Variants in RPS6KA5 observed in about 807,000 individuals in gnomAD.
The protein encoded by RPS6KA5 is ribosomal protein S6 kinase A5.
Under a neutral mutation model 85.5 loss-of-function variants are expected in RPS6KA5, and 27 were observed. The ratio of observed to expected loss-of-function variants is 0.32; its 90% CI spans 0.23 to 0.44. The LOEUF (loss-of-function observed/expected upper bound fraction) is 0.44. RPS6KA5 is among the 20% of genes least tolerant of loss of function. RPS6KA5 has a pLI of 1.00. For missense variants in RPS6KA5, 811 were observed against 980.9 expected (o/e 0.83, Z 2.31); for synonymous variants, 334 against 348.2 (o/e 0.96, Z 0.46).
At chr14:91,016,799 C>A (rs1413134489) in intron 1 of RPS6KA5, among the ~76,000 whole-genome samples, 2 of 141,814 alleles carry the variant, frequency 1.4e-5, no homozygotes, top group East Asian at 2.1e-4. Context: ...TTAGAAGGAA[C>A]ATGATTGGAA....
rs2032619873 is a variant in RPS6KA5 at position 90,862,686 on chromosome 14, A to C, written c.*9388T>G. The C allele has an allele frequency of 6.6e-6, 1 of 151,844 alleles. No homozygotes were observed. The highest frequency in any genetic ancestry group is 2.4e-5 in the African/African-American group (1 of 41,278). The allele number at this position is 151,844 out of a possible 1,614,324, so 9.4% of individuals were successfully genotyped here. ...TCTATGTTGCCCAGGCTGGTCTCCA[A>C]CTCCTGGGCTAAAGCAATCCTTCCT... On this transcript the variant is annotated 3_prime_UTR_variant, in exon 17 of 17. Coordinates refer to ENST00000614987, the MANE Select transcript of RPS6KA5 (RefSeq NM_004755.4).
intron 1 of RPS6KA5, among the ~76,000 whole-genome samples, chr14:91,046,357 GCCC>G (rs1411522614): frequency 6.6e-6 from 1 of 152,070 alleles, no homozygotes; most frequent in East Asian, 1.9e-4. Context: ...TTTGCATATG[GCCC>G]CATTATGTTT....
chr14:91,019,344 T>C (rs113062032), intron 1 of RPS6KA5, among the ~76,000 whole-genome samples: 2,251 of 152,222 alleles, frequency 0.015, 52 homozygotes, highest in African/African-American at 0.052. Context: ...GTGAGTGTCA[T>C]CCAATCAGTT....
Position 90,855,009 on chromosome 14 carries a change from C to A in RPS6KA5, c.*17065G>T, listed in dbSNP as rs924632638. On this transcript the variant is annotated 3_prime_UTR_variant, in exon 17 of 17. Transcript: ENST00000614987. The stretch of plus-strand genomic sequence containing the variant: ...TATTTTGAAGTTTTAAAAGTCTAAT[C>A]GATTTTTTTCAATACATTTCATCTC... 2.0e-5 allele frequency: 3 copies of A among 152,064 alleles called. No homozygotes were observed. Among genetic ancestry groups the A allele is most frequent in the African/African-American group, 2.4e-5 (1 of 41,422 alleles). The allele number at this position is 152,064 out of a possible 1,614,324, so 9.4% of individuals were successfully genotyped here.
chr14:91,007,931 A>ACTATTGT (rs1468139307), intron 1 of RPS6KA5, among the ~76,000 whole-genome samples: 45 of 152,320 alleles, frequency 3.0e-4, no homozygotes, highest in African/African-American at 1.0e-3. Flanking sequence ...CTCAAAGGTA[A>ACTATTGT]CTATTGTTAA....
At chr14:91,023,009 G>A (rs1374002303) in intron 1 of RPS6KA5, among the ~76,000 whole-genome samples, 2 of 150,054 alleles carry the variant, frequency 1.3e-5, no homozygotes, top group South Asian at 2.1e-4. Context: ...CACTTGAACC[G>A]AGGAGGCGGA....
At chr14:91,035,847 C>CAAAAAAAAAAAAAAAAAAAAAAAAA (rs199625173) in intron 1 of RPS6KA5, among the ~76,000 whole-genome samples, 2 of 69,908 alleles carry the variant, frequency 2.9e-5, no homozygotes, top group Admixed American at 1.8e-4. Context: ...CCCTCACCTT[C>CAAAAAAAAAAAAAAAAAAAAAAAAA]AAAAAAAAAA....
chr14:90,876,050 T>TA (rs60142741), intron 14 of RPS6KA5, among the ~76,000 whole-genome samples: 2,895 of 146,714 alleles, frequency 0.02, 78 homozygotes, highest in African/African-American at 0.067. Flanking sequence ...CTTAAAGTAT[T>TA]AAAAAAAAAA....
chr14:90,885,645 G>C (rs2034155818), intron 14 of RPS6KA5, among the ~76,000 whole-genome samples: 1 of 139,474 alleles, frequency 7.2e-6, no homozygotes, highest in Non-Finnish European at 1.5e-5. Context: ...GGGAGACTGA[G>C]GCAGGAGAAT....
intron 5 of RPS6KA5, among the ~76,000 whole-genome samples, chr14:90,924,032 C>T (rs2036540276): frequency 1.3e-5 from 2 of 152,150 alleles, no homozygotes; most frequent in African/African-American, 2.4e-5. Context: ...TCTTATAGTT[C>T]ATTTTAGCTT....
At position 90,861,756 on chromosome 14, in the gene RPS6KA5, G is replaced by A. The variant is rs1487032338; in HGVS notation, c.*10318C>T. On this transcript the variant is annotated 3_prime_UTR_variant, in exon 17 of 17. Transcript: ENST00000614987. ...CTACTAAAAATACAAAAATTAGCTGGGTGTGCTGGCTTGTGTCTGTAATCC... is the reference window on the plus strand; with the variant it reads ...CTACTAAAAATACAAAAATTAGCTGAGTGTGCTGGCTTGTGTCTGTAATCC... 6.6e-6 allele frequency: 1 copy of A among 152,020 alleles called. No homozygotes were observed. The highest frequency in any genetic ancestry group is 1.5e-5 in the Non-Finnish European group (1 of 68,186). 9.4% of individuals were successfully genotyped at this position (152,020 alleles called of 1,614,324 possible).
rs1172735351 is a variant in RPS6KA5 at position 91,044,367 on chromosome 14, AAGAAAGAAGGAAAGAAAGAAAGAAG to A, written c.103+15940_103+15964del. ...AGAAAGAAAGAAAGAAAGAAAGAGAAAGAAAGAAGGAAAGAAAGAAAGAAGGAAAGAAAGAAAGAAAGAAAGAAAG... is the reference window on the plus strand; with the variant it reads ...AGAAAGAAAGAAAGAAAGAAAGAGAAGAAAGAAAGAAAGAAAGAAAGAAAG... On this transcript the variant is annotated intron_variant, in intron 1 of 16. Coordinates refer to ENST00000614987, the MANE Select transcript of RPS6KA5 (RefSeq NM_004755.4). Among the ~76,000 whole-genome samples the A allele has an allele frequency of 3.8e-3, 55 of 14,348 alleles. 5 individuals are homozygous for A. Among genetic ancestry groups the A allele is most frequent in the East Asian group, 0.033 (4 of 122 alleles). The allele number at this position is 14,348 out of a possible 152,430, so 9.4% of individuals were successfully genotyped here. A position where few individuals can be genotyped will look rare whatever the true frequency, so the allele number is the denominator to read the frequency against.
intron 5 of RPS6KA5, among the ~76,000 whole-genome samples, chr14:90,928,220 A>G (rs567857785): frequency 2.0e-4 from 31 of 152,136 alleles, no homozygotes; most frequent in African/African-American, 7.5e-4. Context: ...TCAAAGAAAA[A>G]GTGACAATAA....
chr14:90,874,038 G>A lies in RPS6KA5; in HGVS notation c.1997-243C>T, dbSNP rs142661745. Among the ~76,000 whole-genome samples the A allele has an allele frequency of 1.2e-3, 181 of 152,280 alleles. 1 individual carries two copies. Among genetic ancestry groups the A allele is most frequent in the South Asian group, 0.012 (56 of 4,830 alleles). ...AGGCGAAGTGGCTTTTCAATCAGGA[G>A]AAAATAAACATCCAAAACAAAGATT... On this transcript the variant is annotated intron_variant, in intron 15 of 16. Coordinates refer to ENST00000614987, the MANE Select transcript of RPS6KA5 (RefSeq NM_004755.4).
At chr14:90,874,678 G>A (rs962883127) in intron 15 of RPS6KA5, among the ~76,000 whole-genome samples, 3 of 152,162 alleles carry the variant, frequency 2.0e-5, no homozygotes, top group Non-Finnish European at 4.4e-5. Flanking sequence ...AGGAAGTGAG[G>A]CAAGGTGAAA....
At chr14:91,015,789 C>T (rs1595476673) in intron 1 of RPS6KA5, among the ~76,000 whole-genome samples, 1 of 152,204 alleles carries the variant, frequency 6.6e-6, no homozygotes, top group South Asian at 2.1e-4. Context: ...CATAGGACTA[C>T]AGCCAACTCA....
chr14:90,864,329 G>A lies in RPS6KA5; in HGVS notation c.*7745C>T, dbSNP rs12434708. ...TAATTTTTATACTTTTAGTAGAGAT[G>A]GGGTTTCACCATGTTGGCCAGGCTG... On this transcript the variant is annotated 3_prime_UTR_variant, in exon 17 of 17. Transcript: ENST00000614987. 0.18 allele frequency: 27,796 copies of A among 152,090 alleles called. 3,645 individuals are homozygous for A. The highest frequency in any genetic ancestry group is 0.36 in the African/African-American group (15,110 of 41,406). 9.4% of individuals were successfully genotyped at this position (152,090 alleles called of 1,614,324 possible).
intron 11 of RPS6KA5, 30 bp from the exon 12 acceptor site, chr14:90,899,452 G>A (rs2035035660): frequency 6.6e-7 from 1 of 1,506,484 alleles, no homozygotes; most frequent in Non-Finnish European, 9.2e-7. Flanking sequence ...GCATCCACAT[G>A]TCTCTTCAAG....
chr14:90,874,302 A>G (rs1209256980), intron 15 of RPS6KA5, among the ~76,000 whole-genome samples: 1 of 152,238 alleles, frequency 6.6e-6, no homozygotes, highest in Non-Finnish European at 1.5e-5. Flanking sequence ...GTGTGTTAGC[A>G]GGCCTGAGGG....
Sources: gnomAD v4.1 joint callset for allele counts (sites outside exome capture counted in the v4.1 genomes callset) on GRCh38, gnomAD v4.1.1 for gene constraint, MANE v1.5 for transcripts, NCBI Gene and HGNC (gene_info 2026-07-23, HGNC 2026-07-21) for gene names.